GRIP1: variants seen among roughly 807,000 people sequenced by gnomAD.
GRIP1 encodes glutamate receptor interacting protein 1, also known as glutamate receptor-interacting protein 1.
Under a neutral mutation model 129.9 loss-of-function variants are expected in GRIP1, and 45 were observed. That is an observed-to-expected ratio of 0.35 (90% CI 0.27 to 0.44). The LOEUF is 0.44. Among genes scored for constraint, GRIP1 ranks in the 20% least tolerant of loss-of-function variants. The pLI, the probability that GRIP1 is intolerant of heterozygous loss-of-function variation, is 1.00. For synonymous variants in GRIP1, 530 were observed against 520.8 expected, an observed-to-expected ratio of 1.02 and a Z score of -0.24; for missense variants, 1,196 against 1,396.8, an observed-to-expected ratio of 0.86 and a Z score of 2.29.
intron 1 of GRIP1, among the ~76,000 whole-genome samples, chr12:66,612,451 G>A (rs1273271117): frequency 3.3e-5 from 5 of 152,060 alleles, no homozygotes; most frequent in Non-Finnish European, 7.4e-5. Flanking sequence ...TTGAGCCCAG[G>A]AGTTCCAGAC....
intron 2 of GRIP1, among the ~76,000 whole-genome samples, chr12:66,553,977 T>A (rs190467606): frequency 1.1e-3 from 170 of 152,210 alleles, no homozygotes; most frequent in Non-Finnish European, 2.1e-3. Context: ...AAAGGCAGTC[T>A]AAGCCACAAG....
At chr12:66,598,820 A>C (rs61926085) in intron 1 of GRIP1, among the ~76,000 whole-genome samples, 31,623 of 152,028 alleles carry the variant, frequency 0.21, 3,431 homozygotes, top group Non-Finnish European at 0.24. Context: ...AGCCTAAAAG[A>C]TTTCCTCAGT....
Position 66,347,473 on chromosome 12 carries a change from A to C in GRIP1, c.*1546T>G, listed in dbSNP as rs2054018708. ...ATTTGGCTTTTTAAAATCACTGTTT[A>C]TTCCATTTGGTAGAGGGTTTTATTT... On this transcript the variant is annotated 3_prime_UTR_variant, in exon 25 of 25. Coordinates refer to ENST00000359742, the MANE Select transcript of GRIP1 (RefSeq NM_001366722.1). The C allele has an allele frequency of 6.6e-6, 1 of 152,200 alleles. No individual in the cohort carries two copies. The highest frequency in any genetic ancestry group is 2.1e-4 in the South Asian group (1 of 4,836). 9.4% of individuals were successfully genotyped at this position (152,200 alleles called of 1,614,324 possible). A position where few individuals can be genotyped will look rare whatever the true frequency, so the allele number is the denominator to read the frequency against.
At chr12:66,499,771 A>T (rs1208127299) in intron 7 of GRIP1, among the ~76,000 whole-genome samples, 1 of 152,222 alleles carries the variant, frequency 6.6e-6, no homozygotes, top group African/African-American at 2.4e-5. Flanking sequence ...TGGGAGGTCA[A>T]GGCGAGAAGA....
At chr12:66,648,482 G>A (rs1386591188) in intron 1 of GRIP1, among the ~76,000 whole-genome samples, 1 of 152,194 alleles carries the variant, frequency 6.6e-6, no homozygotes, top group Non-Finnish European at 1.5e-5. Flanking sequence ...AATGTTTGCT[G>A]AACTGGACTT....
At chr12:66,747,790 T>C (rs575206254) in intron 1 of GRIP1, among the ~76,000 whole-genome samples, 3 of 152,202 alleles carry the variant, frequency 2.0e-5, no homozygotes, top group South Asian at 2.1e-4. Flanking sequence ...ATGTACAGAG[T>C]GTCTGGCTCA....
intron 1 of GRIP1, among the ~76,000 whole-genome samples, chr12:66,883,257 C>A (rs976508461): frequency 5.9e-5 from 9 of 152,104 alleles, no homozygotes; most frequent in African/African-American, 2.2e-4. Context: ...ACTGTGCACC[C>A]CTTTCCCTTT....
At chr12:66,561,435 T>C (rs917754121) in intron 2 of GRIP1, among the ~76,000 whole-genome samples, 2 of 152,060 alleles carry the variant, frequency 1.3e-5, no homozygotes, top group Non-Finnish European at 2.9e-5. Context: ...AAACATCTCA[T>C]GTACCCCATA....
At chr12:66,824,739 G>A (rs1301868698) in intron 1 of GRIP1, among the ~76,000 whole-genome samples, 4 of 152,108 alleles carry the variant, frequency 2.6e-5, no homozygotes, top group Non-Finnish European at 5.9e-5. Flanking sequence ...ATAGTTCAGA[G>A]CAGAAATAAG....
At chr12:66,893,066 C>A (rs2040688378) in intron 1 of GRIP1, among the ~76,000 whole-genome samples, 1 of 152,116 alleles carries the variant, frequency 6.6e-6, no homozygotes. Flanking sequence ...TACAGGTATA[C>A]CCTTCCCCAA....
chr12:66,648,224 C>T (rs2032521975), intron 1 of GRIP1, among the ~76,000 whole-genome samples: 1 of 152,282 alleles, frequency 6.6e-6, no homozygotes, highest in African/African-American at 2.4e-5. Flanking sequence ...GCCCATTCTG[C>T]CTGGTTGGTG....
intron 2 of GRIP1, among the ~76,000 whole-genome samples, chr12:66,548,429 A>G (rs531430399): frequency 1.3e-5 from 2 of 152,342 alleles, no homozygotes; most frequent in South Asian, 4.1e-4. Context: ...TTCACATCCC[A>G]AGGGCAAGAA....
chr12:66,679,630 G>C (rs142480053), upstream of GRIP1, among the ~76,000 whole-genome samples: 303 of 152,166 alleles, frequency 2.0e-3, no homozygotes, highest in African/African-American at 6.9e-3. Flanking sequence ...AAAGGGTTAG[G>C]GCTAGGCAGA....
intron 1 of GRIP1, among the ~76,000 whole-genome samples, chr12:66,704,800 T>G (rs1774139547): frequency 6.6e-6 from 1 of 152,108 alleles, no homozygotes; most frequent in African/African-American, 2.4e-5. Context: ...TAAAAGCACT[T>G]GTTGATCCCT....
intron 13 of GRIP1, among the ~76,000 whole-genome samples, chr12:66,437,865 C>T (rs182018834): frequency 6.6e-6 from 1 of 152,314 alleles, no homozygotes; most frequent in Admixed American, 6.5e-5. Flanking sequence ...CTGGTAACAT[C>T]TCTTTGAAGA....
intron 1 of GRIP1, among the ~76,000 whole-genome samples, chr12:66,599,495 G>C (rs1254958337): frequency 1.3e-5 from 2 of 152,140 alleles, no homozygotes; most frequent in Non-Finnish European, 2.9e-5. Context: ...AGGCACCATG[G>C]CCTTTTATAA....
intron 1 of GRIP1, among the ~76,000 whole-genome samples, chr12:66,628,349 A>G (rs1190147477): frequency 6.6e-6 from 1 of 152,132 alleles, no homozygotes; most frequent in African/African-American, 2.4e-5. Flanking sequence ...CCTCCAGTGA[A>G]AGCAGGGGTC....
At chr12:66,893,760 C>T (rs567501854) in intron 1 of GRIP1, among the ~76,000 whole-genome samples, 3 of 152,254 alleles carry the variant, frequency 2.0e-5, no homozygotes, top group African/African-American at 4.8e-5. Context: ...GGTTAATGTA[C>T]GTTAAACCTC....
At chr12:66,858,417 C>G (rs145773598) in intron 1 of GRIP1, among the ~76,000 whole-genome samples, 1 of 152,010 alleles carries the variant, frequency 6.6e-6, no homozygotes, top group Admixed American at 6.6e-5. Context: ...CCTGGAACTA[C>G]TCTTAAAAAT....
Sources: allele counts gnomAD v4.1 joint callset (sites outside exome capture counted in the v4.1 genomes callset), GRCh38; gene constraint gnomAD v4.1.1; transcripts MANE v1.5; gene names NCBI Gene and HGNC (gene_info 2026-07-23, HGNC 2026-07-21).